The following MCRS1 variants were observed in gnomAD, a reference collection of about 807,000 sequenced individuals.
The protein encoded by MCRS1 is microspherule protein 1.
A neutral mutation model predicts 62.9 loss-of-function variants in MCRS1; 22 were observed. The ratio of observed to expected loss-of-function variants is 0.35; its 90% CI spans 0.25 to 0.50. The LOEUF is 0.50. MCRS1 is among the 20% of genes least tolerant of loss of function. The pLI is 0.98. For missense variants in MCRS1, 456 were observed against 601.1 expected (o/e 0.76, Z 2.52); for synonymous variants, 244 against 233.5 (o/e 1.04, Z -0.41).
At chr12:49,564,964 G>A in intron 4 of MCRS1, 69 bp from the exon 5 acceptor site, 1 of 1,506,278 alleles carries the variant, frequency 6.6e-7, no homozygotes, top group Non-Finnish European at 8.9e-7. Context: ...CATGACTAGA[G>A]TTTCACATAC....
Position 49,559,120 on chromosome 12 carries a change from C to T in MCRS1, c.1174+94G>A. ...TGCCTCAGGTGGTCCACGAGGGTCC[C>T]CATGGACACCAAGCCCAGGGCTAGA... On this transcript the variant is annotated intron_variant, in intron 13 of 14. Coordinates refer to ENST00000343810, the MANE Select transcript of MCRS1 (RefSeq NM_006337.5). The surrounding 1 kb of genome is among the most constrained non-coding windows in gnomAD (Gnocchi z 5.2). 1 of 1,521,864 alleles carries T rather than the reference C, an allele frequency of 6.6e-7. No individual in the cohort carries two copies. Among genetic ancestry groups the T allele is most frequent in the Non-Finnish European group, 9.0e-7 (1 of 1,106,614 alleles). 94.3% of individuals were successfully genotyped at this position (1,521,864 alleles called of 1,614,324 possible).
Position 49,559,026 on chromosome 12 carries a change from G to A in MCRS1, c.1175-56C>T, listed in dbSNP as rs1938609957. The stretch of plus-strand genomic sequence containing the variant: ...GGGATGGGGAGGGATTGATGGGATG[G>A]GGAAAGGCCAGAGAGAGCCAGGAGC... On this transcript the variant is annotated intron_variant, in intron 13 of 14. Transcript: ENST00000343810. The surrounding 1 kb of genome is among the most constrained non-coding windows in gnomAD (Gnocchi z 5.2). 6.2e-7 allele frequency: 1 copy of A among 1,604,570 alleles called. No homozygotes were observed. Among genetic ancestry groups the A allele is most frequent in the African/African-American group, 1.3e-5 (1 of 74,818 alleles).
At chr12:49,567,602 C>T (rs1057220673) in intron 1 of MCRS1, 1 of 152,122 alleles carries the variant, frequency 6.6e-6, no homozygotes, top group Admixed American at 6.5e-5. Flanking sequence ...CGAAGGGGCC[C>T]GAGCTTGCCG....
Position 49,558,487 on chromosome 12 carries a change from G to T in MCRS1, c.*156C>A, listed in dbSNP as rs1457457294. ...TCTCAGCCTCTGCTGGCTTCACAAA[G>T]GCCAGCCCTATCCTCCCTCAAAGGC... is the stretch of plus-strand genomic sequence containing the variant. On this transcript the variant is annotated 3_prime_UTR_variant, in exon 15 of 15. Coordinates refer to ENST00000343810, the MANE Select transcript of MCRS1 (RefSeq NM_006337.5). The T allele has an allele frequency of 1.4e-6, 1 of 722,710 alleles. No homozygotes were observed. Among genetic ancestry groups the T allele is most frequent in the Non-Finnish European group, 2.2e-6 (1 of 448,614 alleles). The allele number at this position is 722,710 out of a possible 1,614,324, so 44.8% of individuals were successfully genotyped here. A position where few individuals can be genotyped will look rare whatever the true frequency, so the allele number is the denominator to read the frequency against.
Position 49,558,830 on chromosome 12 carries a change from C to CT in MCRS1, c.1302+12dup, listed in dbSNP as rs748512083. ...GGTCTCATCCTGGCCTTCCTGCCTC[C>CT]TCCCCAGCTCACCTCCACCACAGAG... On this transcript the variant is annotated intron_variant, in intron 14 of 14. Transcript: ENST00000343810. The CT allele has an allele frequency of 1.4e-4, 228 of 1,613,154 alleles. No homozygotes were observed. Among genetic ancestry groups the CT allele is most frequent in the Non-Finnish European group, 1.8e-4 (217 of 1,180,024 alleles).
intron 6 of MCRS1, among the ~76,000 whole-genome samples, chr12:49,563,947 G>C: frequency 6.6e-6 from 1 of 152,224 alleles, no homozygotes; most frequent in African/African-American, 2.4e-5. Flanking sequence ...TGGTACCAGG[G>C]TCTGTGGAGA....
chr12:49,560,741 G>A (rs193209594), intron 8 of MCRS1, among the ~76,000 whole-genome samples: 4 of 152,266 alleles, frequency 2.6e-5, no homozygotes, highest in Admixed American at 2.0e-4. Context: ...AGTTTGGGAC[G>A]GAGGCAGGAT....
chr12:49,566,811 A>G lies in MCRS1; in HGVS notation c.-80T>C, dbSNP rs1939089667. On this transcript the variant is annotated 5_prime_UTR_variant, in exon 2 of 15. Transcript: ENST00000343810. ...CCCACAGGCTCATCCAAGGATTCTG[A>G]CCAGGTGAGCTTAAAGGCTGAGAGG... is the stretch of plus-strand genomic sequence containing the variant. 3.2e-6 allele frequency: 5 copies of G among 1,567,254 alleles called. No individual in the cohort carries two copies. Among genetic ancestry groups the G allele is most frequent in the Non-Finnish European group, 4.4e-6 (5 of 1,147,046 alleles).
chr12:49,566,715 ATAC>A lies in MCRS1; in HGVS notation c.10+4_10+6del, dbSNP rs756808284. ...GCATTTGGGGAGCTGTCCCGGCCTC[ATAC>A]TACCTTTGTCCATCCTCTTACAGTC... is the stretch of plus-strand genomic sequence containing the variant. On this transcript the variant is annotated splice_donor_5th_base_variant and intron_variant, in intron 2 of 14. Transcript: ENST00000343810. 2.0e-4 allele frequency: 318 copies of A among 1,613,896 alleles called. 1 individual carries two copies. Among genetic ancestry groups the A allele is most frequent in the Middle Eastern group, 3.3e-4 (2 of 6,082 alleles).
Position 49,563,159 on chromosome 12 carries a change from CT to C in MCRS1, c.667-21del. On this transcript the variant is annotated intron_variant, in intron 7 of 14. Coordinates refer to ENST00000343810, the MANE Select transcript of MCRS1 (RefSeq NM_006337.5). ...GCTGGTCTAGAGGGCAAGAAACATT[CT>C]CTAGGCATCTGGGCTTTTTCACACA... 6.4e-7 allele frequency: 1 copy of C among 1,552,170 alleles called. No homozygotes were observed. The highest frequency in any genetic ancestry group is 2.4e-5 in the East Asian group (1 of 41,140).
intron 3 of MCRS1, 107 bp downstream of exon 3, chr12:49,565,970 C>T: frequency 6.8e-7 from 1 of 1,472,114 alleles, no homozygotes; most frequent in Non-Finnish European, 9.2e-7. Flanking sequence ...TACTAAGGCC[C>T]CAGAGGGGCT....
intron 4 of MCRS1, 81 bp downstream of exon 4, chr12:49,565,448 G>A (rs1240955020): frequency 3.3e-6 from 5 of 1,532,646 alleles, no homozygotes; most frequent in Non-Finnish European, 4.4e-6. Flanking sequence ...GCTCTGCAGG[G>A]CTCTTGGCAG....
chr12:49,566,452 A>G lies in MCRS1; in HGVS notation c.11-237T>C, dbSNP rs758770615. 1.9e-6 allele frequency: 3 copies of G among 1,567,870 alleles called. No homozygotes were observed. In the South Asian group the frequency reaches 3.5e-5, roughly 18 times the overall value. ...TGCCACGTGTCATGTCGTGCAGCAC[A>G]TGGTGCTCAGGTCAGACTGGTGATG... On this transcript the variant is annotated intron_variant, in intron 2 of 14. Coordinates refer to ENST00000343810, the MANE Select transcript of MCRS1 (RefSeq NM_006337.5).
intron 5 of MCRS1, 39 bp downstream of exon 5, chr12:49,564,698 G>A: frequency 6.2e-7 from 1 of 1,601,870 alleles, no homozygotes; most frequent in Non-Finnish European, 8.5e-7. Context: ...CTGGAGGTTG[G>A]GGGAAAGGGG....
chr12:49,558,740 G>A lies in MCRS1; in HGVS notation c.1303-11C>T. The A allele has an allele frequency of 1.2e-6, 2 of 1,613,894 alleles. No homozygotes were observed. The highest frequency in any genetic ancestry group is 1.7e-4 in the Middle Eastern group (1 of 6,060). On this transcript the variant is annotated splice_polypyrimidine_tract_variant and intron_variant, in intron 14 of 14. Transcript: ENST00000343810. ...TCGCAGGCTGGCGATCTGGGTGGGA[G>A]ACAAAGGTGGCTTAAGACAGAGGTG...
At chr12:49,560,199 G>A (rs1162700116) in intron 9 of MCRS1, 96 bp downstream of exon 9, 32 of 1,382,672 alleles carry the variant, frequency 2.3e-5, no homozygotes, top group African/African-American at 7.1e-5. Flanking sequence ...AAGCACCAAC[G>A]GGAGCCCAAG....
chr12:49,564,993 C>A (rs973776997), intron 4 of MCRS1, 98 bp from the exon 5 acceptor site: 71 of 1,453,378 alleles, frequency 4.9e-5, no homozygotes, highest in Middle Eastern at 2.0e-4. Context: ...AGCGGCAGCC[C>A]CAGCCCCAGC....
intron 9 of MCRS1, 148 bp from the exon 10 acceptor site, chr12:49,560,115 C>T: frequency 1.5e-6 from 2 of 1,300,952 alleles, no homozygotes; most frequent in Non-Finnish European, 2.2e-6. Context: ...TGGGGTTGGG[C>T]TGGGGATAAG....
chr12:49,562,955 CAT>C lies in MCRS1; in HGVS notation c.805+44_805+45del, dbSNP rs1233709717. 17 of 1,562,698 alleles carry C rather than the reference CAT, an allele frequency of 1.1e-5. No homozygotes were observed. The African/African-American group carries it at 1.3e-4, about 12-fold the overall frequency. ...GTCGAGTACTTCAGACACACACACA[CAT>C]GCACGTGCACACACCCCCATTCTGC... On this transcript the variant is annotated intron_variant, in intron 8 of 14. Coordinates refer to ENST00000343810, the MANE Select transcript of MCRS1 (RefSeq NM_006337.5).
Sources: allele counts gnomAD v4.1 joint callset (sites outside exome capture counted in the v4.1 genomes callset), GRCh38; gene constraint gnomAD v4.1.1; non-coding constraint Gnocchi (gnomAD v3.1); transcripts MANE v1.5; gene names NCBI Gene and HGNC (gene_info 2026-07-23, HGNC 2026-07-21).